Variants in SCRN1 observed in about 807,000 individuals in gnomAD.
The protein encoded by SCRN1 is secernin-1.
In SCRN1, 19 loss-of-function variants were observed where a neutral mutation model predicts 43.3. The observed-to-expected ratio is 0.44, with a 90% CI of 0.31 to 0.64. The LOEUF (loss-of-function observed/expected upper bound fraction) is 0.64, where lower values mean the gene tolerates loss of function less well. SCRN1 is among the 30% of genes least tolerant of loss of function. SCRN1 has a pLI of 0.09. For missense variants in SCRN1, 447 were observed against 524.1 expected (o/e 0.85, Z 1.44); for synonymous variants, 183 against 188.9 (o/e 0.97, Z 0.26).
chr7:29,945,028 C>G (rs924861016), intron 3 of SCRN1, among the ~76,000 whole-genome samples: 1 of 152,228 alleles, frequency 6.6e-6, no homozygotes, highest in Non-Finnish European at 1.5e-5. Flanking sequence ...TGTCCTGTCT[C>G]TGTCTCAGAG....
chr7:29,973,687 C>T (rs1049545193), intron 1 of SCRN1, among the ~76,000 whole-genome samples: 13 of 152,152 alleles, frequency 8.5e-5, no homozygotes, highest in African/African-American at 3.1e-4. Flanking sequence ...AAATTGCATA[C>T]AGACAATATC....
chr7:29,936,025 C>T (rs1004041537), intron 6 of SCRN1, among the ~76,000 whole-genome samples: 7 of 152,180 alleles, frequency 4.6e-5, no homozygotes, highest in Non-Finnish European at 1.0e-4. Flanking sequence ...TTTGCTGAAG[C>T]ACATGGGCAG....
rs540260790 is a variant in SCRN1, at chr7:29,965,898, T to C, written c.159+3011A>G. Among the ~76,000 whole-genome samples the C allele has an allele frequency of 1.3e-5, 2 of 152,288 alleles. No homozygotes were observed. The highest frequency in any genetic ancestry group is 4.1e-4 in the South Asian group (2 of 4,828). The stretch of plus-strand genomic sequence containing the variant: ...AAAAAGAAAACAAATTTTTTTGAAA[T>C]ATTTATTTCAGACATGTTTATAAAT... On this transcript the variant is annotated intron_variant, in intron 2 of 7. Coordinates refer to ENST00000242059, the MANE Select transcript of SCRN1 (RefSeq NM_014766.5). This position sits in a 1 kb window ranked among gnomAD's most constrained non-coding sequence, Gnocchi z 4.2.
intron 1 of SCRN1, among the ~76,000 whole-genome samples, chr7:29,978,861 T>C (rs1307877208): frequency 6.6e-6 from 1 of 152,194 alleles, no homozygotes; most frequent in African/African-American, 2.4e-5. Flanking sequence ...TAATGAGAAA[T>C]ATGAATTAAA....
Position 29,936,655 on chromosome 7 carries a change from G to A in SCRN1, c.806C>T (p.Ser269Phe). 1 of 1,607,430 alleles carries A rather than the reference G, an allele frequency of 6.2e-7. No individual in the cohort carries two copies. Among genetic ancestry groups the A allele is most frequent in the Non-Finnish European group, 8.5e-7 (1 of 1,174,688 alleles). The part of the protein sequence containing the change: ...RDKASGVCID[S>F]EFFLTTASGV... Reference sequence around the variant, plus strand: ...ACTGGCTGTGGTGAGGAAAAACTCAGAGTCTATGCACACTCCGCTGGCTTT... The same window carrying A: ...ACTGGCTGTGGTGAGGAAAAACTCAAAGTCTATGCACACTCCGCTGGCTTT... Residue 269 changes from serine to phenylalanine, a missense_variant, in exon 6 of 8, where the codon TCT becomes TTT. Coordinates refer to ENST00000242059, the MANE Select transcript of SCRN1 (RefSeq NM_014766.5).
chr7:29,952,046 G>A (rs1787949644), intron 3 of SCRN1, among the ~76,000 whole-genome samples: 1 of 152,234 alleles, frequency 6.6e-6, no homozygotes, highest in Non-Finnish European at 1.5e-5. Flanking sequence ...GTGCAAGCAA[G>A]GCCAGAGAAA....
Position 29,938,162 on chromosome 7 carries a change from G to A in SCRN1, c.740-1441C>T, listed in dbSNP as rs368864222. Among the ~76,000 whole-genome samples, 7 of 152,216 alleles carry A rather than the reference G, an allele frequency of 4.6e-5. No individual in the cohort carries two copies. The East Asian group carries it at 1.2e-3, about 25-fold the overall frequency. The stretch of plus-strand genomic sequence containing the variant: ...GCCCACCTCAGCCTCCCTGGTAGCT[G>A]GGACTACAGGCATGCACCACCACGC... On this transcript the variant is annotated intron_variant, in intron 5 of 7. Coordinates refer to ENST00000242059, the MANE Select transcript of SCRN1 (RefSeq NM_014766.5).
chr7:29,961,435 G>A (rs1285927872), intron 2 of SCRN1, among the ~76,000 whole-genome samples: 2 of 131,554 alleles, frequency 1.5e-5, no homozygotes, highest in Non-Finnish European at 3.2e-5. Context: ...TTTTCTTAGT[G>A]CAGAACAAAA....
intron 2 of SCRN1, among the ~76,000 whole-genome samples, chr7:29,958,043 A>G (rs1788192443): frequency 6.6e-6 from 1 of 152,230 alleles, no homozygotes; most frequent in South Asian, 2.1e-4. Flanking sequence ...GTGAGGAAGG[A>G]AGGGGATCCC....
In SCRN1 at chr7:29,970,919, G is replaced by A. The variant is rs570223627; in HGVS notation, c.-1-1851C>T. 1.4e-4 allele frequency among the ~76,000 whole-genome samples: 22 copies of A among 152,260 alleles called. 1 individual carries two copies. In the South Asian group the frequency reaches 3.7e-3, roughly 26 times the overall value. On this transcript the variant is annotated intron_variant, in intron 1 of 7. Coordinates refer to ENST00000242059, the MANE Select transcript of SCRN1 (RefSeq NM_014766.5). ...TTTTGTTATAAAATAATGTACATAT[G>A]TTGCTTGTATATTTCTTTACCTGTT...
intron 1 of SCRN1, among the ~76,000 whole-genome samples, chr7:29,985,762 C>T (rs1789130121): frequency 6.6e-6 from 1 of 152,212 alleles, no homozygotes; most frequent in African/African-American, 2.4e-5. Context: ...GCAGTCCCAG[C>T]CCACCACATA....
At chr7:29,932,832 A>C (rs1039123627) in intron 6 of SCRN1, among the ~76,000 whole-genome samples, 5 of 151,560 alleles carry the variant, frequency 3.3e-5, no homozygotes, top group Admixed American at 1.3e-4. Flanking sequence ...GAACTTCTAC[A>C]TTTTCTCCCC....
chr7:29,956,172 T>A (rs1353979468), intron 2 of SCRN1, among the ~76,000 whole-genome samples: 1 of 152,216 alleles, frequency 6.6e-6, no homozygotes, highest in African/African-American at 2.4e-5. Context: ...CACAGAATCA[T>A]AAGCACAATA....
intron 6 of SCRN1, among the ~76,000 whole-genome samples, chr7:29,928,586 T>C (rs561456805): frequency 8.5e-5 from 13 of 152,302 alleles, no homozygotes; most frequent in African/African-American, 3.1e-4. Context: ...GCAAATATAA[T>C]TGGAGACTGG....
chr7:29,927,946 C>A (rs1787023744), intron 6 of SCRN1, among the ~76,000 whole-genome samples: 1 of 152,056 alleles, frequency 6.6e-6, no homozygotes, highest in Non-Finnish European at 1.5e-5. Context: ...CATGGTAAAA[C>A]CCCGTTTCTA....
chr7:29,925,277 G>A (rs1345973200), intron 7 of SCRN1, among the ~76,000 whole-genome samples: 2 of 152,350 alleles, frequency 1.3e-5, no homozygotes, highest in East Asian at 3.9e-4. Flanking sequence ...CAAGCTCTCA[G>A]AAAAGTGAGA....
intron 1 of SCRN1, among the ~76,000 whole-genome samples, chr7:29,979,208 C>T (rs1788925142): frequency 1.3e-5 from 2 of 152,006 alleles, no homozygotes; most frequent in South Asian, 4.2e-4. Context: ...ACTAAAAATA[C>T]AAAAATTAGC....
At chr7:29,964,021 A>G (rs1200431026) in intron 2 of SCRN1, among the ~76,000 whole-genome samples, 4 of 152,368 alleles carry the variant, frequency 2.6e-5, no homozygotes, top group Middle Eastern at 3.4e-3. Context: ...TACTTGAAGG[A>G]TATGCATGAA....
chr7:29,966,159 C>CAGAGAGAGAGAG (rs58247318), intron 2 of SCRN1, among the ~76,000 whole-genome samples: 2,291 of 84,384 alleles, frequency 0.027, 160 homozygotes, highest in African/African-American at 0.033. Context: ...GACCGAGAGA[C>CAGAGAGAGAGAG]AGAGAGAGAG....
Sources: gnomAD v4.1 joint callset for allele counts (sites outside exome capture counted in the v4.1 genomes callset) on GRCh38, gnomAD v4.1.1 for gene constraint, Gnocchi (gnomAD v3.1) non-coding constraint, MANE v1.5 for transcripts, NCBI Gene and HGNC (gene_info 2026-07-23, HGNC 2026-07-21) for gene names.